TRPM1: variants seen among roughly 807,000 people sequenced by gnomAD.
TRPM1 encodes transient receptor potential cation channel subfamily M member 1.
Under a neutral mutation model 149.4 loss-of-function variants are expected in TRPM1, and 113 were observed. The observed-to-expected ratio is 0.76, with a 90% CI of 0.65 to 0.88. The LOEUF (loss-of-function observed/expected upper bound fraction) is 0.88. Ranked by LOEUF, TRPM1 falls within the 40% of genes least tolerant of loss-of-function variation. The pLI is 0.00. For synonymous variants in TRPM1, 741 were observed against 759.5 expected, an observed-to-expected ratio of 0.98 and a Z score of 0.40; for missense variants, 1,976 against 2,038.7, an observed-to-expected ratio of 0.97 and a Z score of 0.59.
intron 11 of TRPM1, among the ~76,000 whole-genome samples, chr15:31,055,973 C>T (rs1457263346): frequency 6.6e-6 from 1 of 152,100 alleles, no homozygotes; most frequent in Non-Finnish European, 1.5e-5. Flanking sequence ...TAATTCATAT[C>T]CTTAGATATT....
intron 4 of TRPM1, chr15:31,069,364 A>G (rs2034468133): frequency 1.0e-6 from 1 of 959,582 alleles, no homozygotes; most frequent in Non-Finnish European, 1.2e-6. Flanking sequence ...GTAGGGTGCC[A>G]TTTCAGAAGA....
chr15:31,061,076 C>T lies in TRPM1; in HGVS notation c.1162+366G>A, dbSNP rs142715063. Among the ~76,000 whole-genome samples the T allele has an allele frequency of 2.0e-3, 311 of 152,322 alleles. 2 individuals are homozygous for T. The highest frequency in any genetic ancestry group is 6.8e-3 in the African/African-American group (282 of 41,572). On this transcript the variant is annotated intron_variant, in intron 10 of 27. Transcript: ENST00000256552. ...CAGACCCTCCCCGCCCGGCCATGAA[C>T]GCTGGCCTGAAGCCTGTCATTAGAA... is the stretch of plus-strand genomic sequence containing the variant.
At chr15:31,003,595 G>A (rs898230412) in intron 27 of TRPM1, among the ~76,000 whole-genome samples, 1 of 152,118 alleles carries the variant, frequency 6.6e-6, no homozygotes, top group Admixed American at 6.5e-5. Flanking sequence ...AGTTTTTAGA[G>A]CTTTGACTAT....
chr15:31,078,512 G>A (rs1037539772), intron 2 of TRPM1, among the ~76,000 whole-genome samples: 2 of 152,162 alleles, frequency 1.3e-5, no homozygotes, highest in South Asian at 2.1e-4. Context: ...AAGCAACACC[G>A]TACACTTTTC....
chr15:31,135,184 GA>G (rs1311078837), intron 1 of TRPM1, among the ~76,000 whole-genome samples: 1 of 152,084 alleles, frequency 6.6e-6, no homozygotes, highest in Non-Finnish European at 1.5e-5. Context: ...GCCATCTTTA[GA>G]AGTAAACACT....
chr15:31,105,129 T>C (rs1213676535), upstream of TRPM1, among the ~76,000 whole-genome samples: 5 of 152,222 alleles, frequency 3.3e-5, no homozygotes, highest in Non-Finnish European at 4.4e-5. Context: ...GATTTGAACA[T>C]ATTTGATGCA....
chr15:31,122,401 C>T lies in TRPM1; in HGVS notation c.54+38505G>A, dbSNP rs147765892. On this transcript the variant is annotated intron_variant, in intron 1 of 26. Transcript: ENST00000542188. ...AAAGGAAGGAATAAAACTGTCTTTG[C>T]TCACAGATGACTTGATGGTTTATCT... 4.9e-4 allele frequency among the ~76,000 whole-genome samples: 75 copies of T among 152,290 alleles called. 1 individual carries two copies. The highest frequency in any genetic ancestry group is 9.1e-4 in the Non-Finnish European group (62 of 67,998).
chr15:31,108,721 C>T (rs764663442), intron 1 of TRPM1, among the ~76,000 whole-genome samples: 3 of 152,138 alleles, frequency 2.0e-5, no homozygotes, highest in Non-Finnish European at 2.9e-5. Context: ...CTCGAACTCC[C>T]GACCTCAGGT....
At chr15:31,056,524 A>C (rs1329151154) in intron 11 of TRPM1, among the ~76,000 whole-genome samples, 1 of 152,246 alleles carries the variant, frequency 6.6e-6, no homozygotes, top group East Asian at 1.9e-4. Context: ...CATGTGAGGC[A>C]GACTTTTTTC....
rs568559646 is a variant in TRPM1 at position 31,026,153 on chromosome 15, C to G, written c.3615G>C (p.Arg1205=). The change falls in exon 27 of 28, where the codon CGG becomes CGC. Residue 1205 remains arginine (R), a synonymous_variant. Coordinates refer to ENST00000256552, the MANE Select transcript of TRPM1 (RefSeq NM_001252024.2). ...EQQSSSDERI[R]VTSERVENMS... is the part of the protein sequence containing the mutation. ...GCTACACGTACCTTTCAGAAGTGAC[C>G]CGGATGCGCTCGTCGCTGGACGACT... The G allele has an allele frequency of 2.5e-6, 4 of 1,611,902 alleles. No homozygotes were observed. The highest frequency in any genetic ancestry group is 2.7e-5 in the African/African-American group (2 of 75,058).
chr15:31,044,397 A>G (rs1376252037), intron 16 of TRPM1, among the ~76,000 whole-genome samples: 1 of 152,250 alleles, frequency 6.6e-6, no homozygotes, highest in Non-Finnish European at 1.5e-5. Flanking sequence ...AGAAAAAGGA[A>G]GTTGCTTGAT....
intron 1 of TRPM1, among the ~76,000 whole-genome samples, chr15:31,138,440 T>C (rs2036118593): frequency 6.6e-6 from 1 of 152,190 alleles, no homozygotes; most frequent in Admixed American, 6.5e-5. Flanking sequence ...AAAAATTCAA[T>C]TGTGAGGGAT....
chr15:31,077,437 G>A (rs566326900), intron 2 of TRPM1, among the ~76,000 whole-genome samples: 6 of 106,168 alleles, frequency 5.7e-5, no homozygotes, highest in Middle Eastern at 4.7e-3. Context: ...ATCCCACATG[G>A]CCTCTTGTTC....
At chr15:31,049,310 G>A in intron 13 of TRPM1, 65 bp downstream of exon 13, 1 of 1,609,976 alleles carries the variant, frequency 6.2e-7, no homozygotes, top group Non-Finnish European at 8.5e-7. Context: ...TGCACAATAT[G>A]CACCAGTGAC....
At chr15:31,012,743 C>T (rs1192553938) in intron 27 of TRPM1, among the ~76,000 whole-genome samples, 1 of 151,922 alleles carries the variant, frequency 6.6e-6, no homozygotes, top group Non-Finnish European at 1.5e-5. Context: ...CTCATGATGC[C>T]TATGTTGTTC....
chr15:31,069,810 A>T, intron 4 of TRPM1: 1 of 1,491,724 alleles, frequency 6.7e-7, no homozygotes, highest in Non-Finnish European at 8.8e-7. Context: ...TTTGGTATGG[A>T]TTTACGGGAC....
chr15:31,160,493 A>T (rs899072262), intron 1 of TRPM1, among the ~76,000 whole-genome samples: 4 of 152,148 alleles, frequency 2.6e-5, no homozygotes, highest in Non-Finnish European at 5.9e-5. Context: ...CTGGGTCCCC[A>T]TGGCCCACAC....
chr15:31,040,325 C>A lies in TRPM1; in HGVS notation c.2109G>T (p.Leu703Phe). Residue 703 changes from leucine (L) to phenylalanine (F), a missense_variant, in exon 18 of 28, where the codon TTG (leucine) becomes TTT (phenylalanine). This residue lies in a region of TRPM1 where 1,332 missense variants were observed against 1,347.1 expected (regional missense o/e 0.99). Coordinates refer to ENST00000256552, the MANE Select transcript of TRPM1 (RefSeq NM_001252024.2). The surrounding 1 kb of genome is among the most constrained non-coding windows in gnomAD (Gnocchi z 4.2). ...NNSKDFGQLA[L>F]ELLDQSYKHD... ...GCTTATAGGACTGGTCTAATAACTCCAAAGCAAGCTGGCCGAAGTCTCTGG... is the reference window on the plus strand; with the variant it reads ...GCTTATAGGACTGGTCTAATAACTCAAAAGCAAGCTGGCCGAAGTCTCTGG... 6.2e-7 allele frequency: 1 copy of A among 1,614,172 alleles called. No individual in the cohort carries two copies. The highest frequency in any genetic ancestry group is 8.5e-7 in the Non-Finnish European group (1 of 1,180,036).
chr15:31,089,053 T>C (rs142037026), intron 1 of TRPM1, among the ~76,000 whole-genome samples: 1 of 152,120 alleles, frequency 6.6e-6, no homozygotes, highest in African/African-American at 2.4e-5. Flanking sequence ...AATCCAGTAA[T>C]TAGGATAAGT....
Sources: allele counts gnomAD v4.1 joint callset (sites outside exome capture counted in the v4.1 genomes callset), GRCh38; gene constraint gnomAD v4.1.1; regional missense constraint gnomAD v4.1.1; non-coding constraint Gnocchi (gnomAD v3.1); transcripts MANE v1.5; gene names NCBI Gene and HGNC (gene_info 2026-07-23, HGNC 2026-07-21).